The following SUGCT variants were observed in gnomAD, a reference collection of about 807,000 sequenced individuals.
The protein encoded by SUGCT is succinyl-CoA:glutarate CoA-transferase.
Under a neutral mutation model 55.0 loss-of-function variants are expected in SUGCT, and 41 were observed. The observed-to-expected ratio is 0.74, with a 90% CI of 0.58 to 0.97. The LOEUF is 0.97. SUGCT is among the 50% of genes least tolerant of loss of function. The pLI is 0.00. For missense variants in SUGCT, 568 were observed against 547.8 expected, an observed-to-expected ratio of 1.04 and a Z score of -0.37; for synonymous variants, 187 against 200.4, an observed-to-expected ratio of 0.93 and a Z score of 0.56.
At position 40,430,120 on chromosome 7, in the gene SUGCT, A is replaced by G. The variant is rs756560455; in HGVS notation, c.817-19167A>G. ...TTTGGCTATTGTGACTAATGCTGCA[A>G]TGAACATGGGAGTGTAGGTATCTTC... is the stretch of plus-strand genomic sequence containing the variant. On this transcript the variant is annotated intron_variant, in intron 9 of 13. Transcript: ENST00000335693. 2.0e-5 allele frequency among the ~76,000 whole-genome samples: 3 copies of G among 152,206 alleles called. 1 individual carries two copies. The highest frequency in any genetic ancestry group is 4.4e-5 in the Non-Finnish European group (3 of 68,038).
the SUGCT span, among the ~76,000 whole-genome samples, chr7:40,878,142 C>T: frequency 6.4e-4 from 97 of 152,184 alleles, no homozygotes; most frequent in African/African-American, 2.2e-3. Context: ...TTTTAATTTC[C>T]AGCAGTCCTT....
chr7:40,714,739 G>T (rs917701544), intron 12 of SUGCT, among the ~76,000 whole-genome samples: 2 of 152,184 alleles, frequency 1.3e-5, no homozygotes, highest in African/African-American at 4.8e-5. Flanking sequence ...CATTTTTAAA[G>T]CTGATTGTAA....
chr7:40,689,019 T>C (rs1192871851), intron 12 of SUGCT, among the ~76,000 whole-genome samples: 2 of 152,170 alleles, frequency 1.3e-5, no homozygotes, highest in African/African-American at 4.8e-5. Flanking sequence ...AGGTTTTACA[T>C]TGACTATTGC....
intron 7 of SUGCT, among the ~76,000 whole-genome samples, chr7:40,260,114 T>C (rs1236465771): frequency 6.6e-6 from 1 of 152,242 alleles, no homozygotes; most frequent in African/African-American, 2.4e-5. Context: ...ATGCCAATAG[T>C]GCTTCCATTG....
At chr7:40,791,149 T>C (rs1045217394) in intron 13 of SUGCT, among the ~76,000 whole-genome samples, 2 of 152,222 alleles carry the variant, frequency 1.3e-5, no homozygotes, top group Non-Finnish European at 2.9e-5. Context: ...AAAAAGCATT[T>C]GCTGTTTATA....
intron 9 of SUGCT, among the ~76,000 whole-genome samples, chr7:40,420,878 G>A (rs980084575): frequency 6.6e-6 from 1 of 151,998 alleles, no homozygotes; most frequent in South Asian, 2.1e-4. Flanking sequence ...CATTGATAAG[G>A]TCTCTTCTCT....
At chr7:40,314,564 T>TTTTTTC (rs1795325277) in intron 8 of SUGCT, among the ~76,000 whole-genome samples, 1 of 144,340 alleles carries the variant, frequency 6.9e-6, no homozygotes, top group Admixed American at 6.9e-5. Flanking sequence ...TGTGTCTTTT[T>TTTTTTC]TTTTTTTTTT....
chr7:40,539,659 A>G (rs1794565981), intron 12 of SUGCT: 1 of 152,182 alleles, frequency 6.6e-6, no homozygotes, highest in African/African-American at 2.4e-5. Flanking sequence ...TTGGACTCCA[A>G]TGTTAGGGAG....
intron 12 of SUGCT, among the ~76,000 whole-genome samples, chr7:40,506,742 C>T (rs1349769125): frequency 2.6e-5 from 4 of 152,056 alleles, no homozygotes; most frequent in African/African-American, 9.7e-5. Context: ...CTGTGTTCTG[C>T]ATATTGCTTA....
At chr7:40,300,308 C>G (rs1450425250) in intron 8 of SUGCT, among the ~76,000 whole-genome samples, 1 of 152,120 alleles carries the variant, frequency 6.6e-6, no homozygotes, top group Non-Finnish European at 1.5e-5. Flanking sequence ...TGAGCTGAGA[C>G]TGGGTCTCAG....
chr7:40,937,322 C>T, the SUGCT span, among the ~76,000 whole-genome samples: 3 of 152,276 alleles, frequency 2.0e-5, no homozygotes, highest in South Asian at 6.2e-4. Context: ...GCGCCTGCCA[C>T]TATGCCCAGC....
chr7:40,367,220 A>T (rs1394453453), intron 9 of SUGCT, among the ~76,000 whole-genome samples: 5 of 139,368 alleles, frequency 3.6e-5, no homozygotes, highest in Non-Finnish European at 6.1e-5. Context: ...AACAATGAGA[A>T]CACATGGACA....
chr7:40,903,075 A>G, the SUGCT span, among the ~76,000 whole-genome samples: 1 of 147,260 alleles, frequency 6.8e-6, no homozygotes. Flanking sequence ...CTCTGTCCCC[A>G]GGCTGAAATG....
At chr7:40,969,042 C>G in the SUGCT span, among the ~76,000 whole-genome samples, 1 of 152,222 alleles carries the variant, frequency 6.6e-6, no homozygotes, top group Non-Finnish European at 1.5e-5. Flanking sequence ...GAGGCCAACT[C>G]AGGGCACTGT....
chr7:40,751,235 G>A (rs1787996052), intron 13 of SUGCT, among the ~76,000 whole-genome samples: 2 of 152,260 alleles, frequency 1.3e-5, no homozygotes, highest in South Asian at 4.1e-4. Flanking sequence ...GAAGTGTGGG[G>A]TGTGTTCTAA....
intron 1 of SUGCT, among the ~76,000 whole-genome samples, chr7:40,137,425 T>C (rs1270590126): frequency 6.6e-6 from 1 of 152,206 alleles, no homozygotes; most frequent in Admixed American, 6.5e-5. Flanking sequence ...TGAGCCACCA[T>C]GCCCAACCAA....
In SUGCT at chr7:40,148,167, C is replaced by T. The variant is rs571595491; in HGVS notation, c.100+13047C>T. Among the ~76,000 whole-genome samples, 4 of 151,716 alleles carry T rather than the reference C, an allele frequency of 2.6e-5. No individual in the cohort carries two copies. In the South Asian group the frequency reaches 6.2e-4, roughly 24 times the overall value. On this transcript the variant is annotated intron_variant, in intron 1 of 13. Coordinates refer to ENST00000335693, the MANE Select transcript of SUGCT (RefSeq NM_001193313.2). ...AGGGTGGAGTAGGTAATCAGGTAAT[C>T]GGGATGAGTCAGGGTGGAGTAGGTA... is the stretch of plus-strand genomic sequence containing the variant.
intron 11 of SUGCT, among the ~76,000 whole-genome samples, chr7:40,494,740 A>G (rs1036072803): frequency 6.6e-5 from 10 of 152,196 alleles, no homozygotes; most frequent in Admixed American, 6.5e-4. Context: ...AAAAATATTT[A>G]TTATATCCTT....
At chr7:40,564,039 C>G (rs1795992535) in intron 12 of SUGCT, among the ~76,000 whole-genome samples, 1 of 152,108 alleles carries the variant, frequency 6.6e-6, no homozygotes, top group Non-Finnish European at 1.5e-5. Context: ...CGTTTCTTAT[C>G]TTTGGGTTGT....
Sources: gnomAD v4.1 joint callset for allele counts (sites outside exome capture counted in the v4.1 genomes callset) on GRCh38, gnomAD v4.1.1 for gene constraint, MANE v1.5 for transcripts, NCBI Gene and HGNC (gene_info 2026-07-23, HGNC 2026-07-21) for gene names.